WNT1: variants seen among roughly 807,000 people sequenced by gnomAD.
WNT1 encodes proto-oncogene Wnt-1.
A neutral mutation model predicts 21.3 loss-of-function variants in WNT1; 10 were observed. The observed-to-expected ratio is 0.47, with a 90% CI of 0.29 to 0.80. The LOEUF (loss-of-function observed/expected upper bound fraction) is 0.80, where lower values mean the gene tolerates loss of function less well. Ranked by LOEUF, WNT1 falls within the 30% of genes least tolerant of loss-of-function variation. WNT1 has a pLI of 0.09. For synonymous variants in WNT1, 208 were observed against 236.3 expected, an observed-to-expected ratio of 0.88 and a Z score of 1.10; for missense variants, 476 against 534.1, an observed-to-expected ratio of 0.89 and a Z score of 1.07.
chr12:48,978,855 C>T lies in WNT1; in HGVS notation c.104+101C>T. 2.4e-6 allele frequency: 2 copies of T among 821,168 alleles called. No individual in the cohort carries two copies. The highest frequency in any genetic ancestry group is 2.8e-5 in the Admixed American group (1 of 35,540). 50.9% of individuals were successfully genotyped at this position (821,168 alleles called of 1,614,324 possible). A position where few individuals can be genotyped will look rare whatever the true frequency, so the allele number is the denominator to read the frequency against. On this transcript the variant is annotated intron_variant, in intron 1 of 3. Transcript: ENST00000293549. This position sits in a 1 kb window ranked among gnomAD's most constrained non-coding sequence, Gnocchi z 7.4. ...TCTGGGATCCGTCTGCCGACAGGCTCCCTCCCCGCTCTGACTTCCCTCCGC... is the reference window on the plus strand; with the variant it reads ...TCTGGGATCCGTCTGCCGACAGGCTTCCTCCCCGCTCTGACTTCCCTCCGC...
At position 48,981,620 on chromosome 12, in the gene WNT1, G is replaced by T; in HGVS notation, c.1093G>T (p.Val365Leu). ...CTGCCGCAACTGCACGCACACGCGC[G>T]TACTGCACGAGTGTCTGTGAGGCGC... ...VSCRNCTHTR[V>L]LHECL Residue 365 changes from valine (V) to leucine (L), a missense_variant, in exon 4 of 4, where the codon GTA becomes TTA. Physicochemically the swap from Val to Leu is conservative, Grantham distance 32. Coordinates refer to ENST00000293549, the MANE Select transcript of WNT1 (RefSeq NM_005430.4). The surrounding 1 kb of genome is among the most constrained non-coding windows in gnomAD (Gnocchi z 7.4). 6.8e-7 allele frequency: 1 copy of T among 1,476,882 alleles called. No homozygotes were observed. 91.5% of individuals were successfully genotyped at this position (1,476,882 alleles called of 1,614,324 possible).
Position 48,981,716 on chromosome 12 carries a change from CG to C in WNT1, c.*78del, listed in dbSNP as rs1025189952. On this transcript the variant is annotated 3_prime_UTR_variant, in exon 4 of 4. Transcript: ENST00000293549. The surrounding 1 kb of genome is among the most constrained non-coding windows in gnomAD (Gnocchi z 7.4). ...AACAGACTCGCTAGCACTCAAGACC[CG>C]GTTATTCGCCCACCCGAGTACCTCC... 3.4e-5 allele frequency: 47 copies of C among 1,401,278 alleles called. No individual in the cohort carries two copies. The highest frequency in any genetic ancestry group is 4.2e-5 in the Non-Finnish European group (45 of 1,083,500). The allele number at this position is 1,401,278 out of a possible 1,614,324, so 86.8% of individuals were successfully genotyped here. A position where few individuals can be genotyped will look rare whatever the true frequency, so the allele number is the denominator to read the frequency against.
At position 48,981,548 on chromosome 12, in the gene WNT1, G is replaced by A; in HGVS notation, c.1021G>A (p.Val341Ile). Reference protein sequence around the residue: ...GRGHRTRTQRVTERCNCTFHW... With the variant: ...GRGHRTRTQRITERCNCTFHW... ...GGGCCACCGCACGCGCACGCAGCGC[G>A]TCACCGAGCGCTGCAACTGCACCTT... The change falls in exon 4 of 4, where the codon GTC (valine) becomes ATC (isoleucine). Residue 341 changes from valine (V) to isoleucine (I), a missense_variant. Physicochemically the swap from Val to Ile is conservative, Grantham distance 29. Coordinates refer to ENST00000293549, the MANE Select transcript of WNT1 (RefSeq NM_005430.4). This position sits in a 1 kb window ranked among gnomAD's most constrained non-coding sequence, Gnocchi z 7.4. 1 of 1,536,258 alleles carries A rather than the reference G, an allele frequency of 6.5e-7. No individual in the cohort carries two copies.
In WNT1 at chr12:48,981,716, C is replaced by T; in HGVS notation, c.*76C>T. 4 of 1,401,396 alleles carry T rather than the reference C, an allele frequency of 2.9e-6. No homozygotes were observed. Among genetic ancestry groups the T allele is most frequent in the East Asian group, 2.8e-5 (1 of 35,636 alleles). 86.8% of individuals were successfully genotyped at this position (1,401,396 alleles called of 1,614,324 possible). A position where few individuals can be genotyped will look rare whatever the true frequency, so the allele number is the denominator to read the frequency against. ...AACAGACTCGCTAGCACTCAAGACC[C>T]GGTTATTCGCCCACCCGAGTACCTC... On this transcript the variant is annotated 3_prime_UTR_variant, in exon 4 of 4. Coordinates refer to ENST00000293549, the MANE Select transcript of WNT1 (RefSeq NM_005430.4). The surrounding 1 kb of genome is among the most constrained non-coding windows in gnomAD (Gnocchi z 7.4).
In WNT1 at chr12:48,979,427, G is replaced by A. The variant is rs970706893; in HGVS notation, c.105-41G>A. On this transcript the variant is annotated intron_variant, in intron 1 of 3. Coordinates refer to ENST00000293549, the MANE Select transcript of WNT1 (RefSeq NM_005430.4). The surrounding 1 kb of genome is among the most constrained non-coding windows in gnomAD (Gnocchi z 6.0). Reference sequence around the variant, plus strand: ...GGCACAGTTTTTATGGTTAGGGTGCGGATCCCCTTCCTGAGCCTGAGCTAT... The same window carrying A: ...GGCACAGTTTTTATGGTTAGGGTGCAGATCCCCTTCCTGAGCCTGAGCTAT... The A allele has an allele frequency of 5.1e-6, 8 of 1,561,754 alleles. No individual in the cohort carries two copies. The African/African-American group carries it at 1.1e-4, about 21-fold the overall frequency.
rs1423009215 is a variant in WNT1, at chr12:48,982,035, T to A, written c.*395T>A. 6.6e-6 allele frequency among the ~76,000 whole-genome samples: 1 copy of A among 152,216 alleles called. No homozygotes were observed. Among genetic ancestry groups the A allele is most frequent in the Non-Finnish European group, 1.5e-5 (1 of 68,038 alleles). ...CTGCCTCTCTTCTTCCCCTTTGTCC[T>A]GCGTTTTCTCCGGGTCCTCCTAAGT... On this transcript the variant is annotated 3_prime_UTR_variant, in exon 4 of 4. Transcript: ENST00000293549.
Position 48,980,390 on chromosome 12 carries a change from C to A in WNT1, c.359-34C>A, listed in dbSNP as rs779439191. On this transcript the variant is annotated intron_variant, in intron 2 of 3. Coordinates refer to ENST00000293549, the MANE Select transcript of WNT1 (RefSeq NM_005430.4). The surrounding 1 kb of genome is among the most constrained non-coding windows in gnomAD (Gnocchi z 7.0). ...GAGGGTGCTGGCCGCGCCCCGCGTA[C>A]CCCCTCGCTGATCCCCGCTCCCTTC... is the stretch of plus-strand genomic sequence containing the variant. The A allele has an allele frequency of 3.8e-5, 61 of 1,613,136 alleles. 1 individual carries two copies. In the Admixed American group the frequency reaches 1.0e-3, roughly 26 times the overall value.
At position 48,979,350 on chromosome 12, in the gene WNT1, T is replaced by C. The variant is rs190144564; in HGVS notation, c.105-118T>C. ...AGTGAGCCTGGGAGAGCGGGTATTA[T>C]TAATCTCCCGCCATTCTCTCCAGCC... On this transcript the variant is annotated intron_variant, in intron 1 of 3. Transcript: ENST00000293549. This position sits in a 1 kb window ranked among gnomAD's most constrained non-coding sequence, Gnocchi z 6.0. The C allele has an allele frequency of 3.1e-4, 407 of 1,321,982 alleles. 3 individuals are homozygous for C. The East Asian group carries it at 9.1e-3, about 29-fold the overall frequency. The allele number at this position is 1,321,982 out of a possible 1,614,324, so 81.9% of individuals were successfully genotyped here. A position where few individuals can be genotyped will look rare whatever the true frequency, so the allele number is the denominator to read the frequency against.
At position 48,982,329 on chromosome 12, in the gene WNT1, C is replaced by T. The variant is rs1205738942; in HGVS notation, c.*689C>T. Among the ~76,000 whole-genome samples, 1 of 152,170 alleles carries T rather than the reference C, an allele frequency of 6.6e-6. No individual in the cohort carries two copies. Among genetic ancestry groups the T allele is most frequent in the African/African-American group, 2.4e-5 (1 of 41,436 alleles). On this transcript the variant is annotated 3_prime_UTR_variant, in exon 4 of 4. Transcript: ENST00000293549. ...TCCTCATCAGTGTGTAAATAATTTG[C>T]ACTGAAACGTGGATACAGAGCCACG...
rs961138502 is a variant in WNT1 at position 48,979,960 on chromosome 12, T to C, written c.358+239T>C. Among the ~76,000 whole-genome samples, 2 of 152,202 alleles carry C rather than the reference T, an allele frequency of 1.3e-5. No homozygotes were observed. The highest frequency in any genetic ancestry group is 4.8e-5 in the African/African-American group (2 of 41,454). ...GAGCTACTGCCCCAGATAAAGAAAG[T>C]TTCGGGTCGCGGACGCCGGCTGACC... On this transcript the variant is annotated intron_variant, in intron 2 of 3. Transcript: ENST00000293549. The surrounding 1 kb of genome is among the most constrained non-coding windows in gnomAD (Gnocchi z 6.0).
In WNT1 at chr12:48,981,067, C is replaced by T. The variant is rs1307274596; in HGVS notation, c.625-85C>T. 1.3e-6 allele frequency: 2 copies of T among 1,544,246 alleles called. No individual in the cohort carries two copies. The highest frequency in any genetic ancestry group is 1.7e-6 in the Non-Finnish European group (2 of 1,145,796). On this transcript the variant is annotated intron_variant, in intron 3 of 3. Transcript: ENST00000293549. The surrounding 1 kb of genome is among the most constrained non-coding windows in gnomAD (Gnocchi z 7.4). ...CTGGGCCTTTGCTGAGGTCCGGCCC[C>T]CGTGGCGTCCGGGAGAGGGCAGTGT... is the stretch of plus-strand genomic sequence containing the variant.
At position 48,979,117 on chromosome 12, in the gene WNT1, G is replaced by A. The variant is rs1236063041; in HGVS notation, c.105-351G>A. ...CCTAGAAAGGAGGGGAGAAGAGGGT[G>A]GGACTCCTAAGCATTTCACGCCTTG... On this transcript the variant is annotated intron_variant, in intron 1 of 3. Transcript: ENST00000293549. This position sits in a 1 kb window ranked among gnomAD's most constrained non-coding sequence, Gnocchi z 6.0. Among the ~76,000 whole-genome samples, 2 of 152,226 alleles carry A rather than the reference G, an allele frequency of 1.3e-5. No homozygotes were observed. Among genetic ancestry groups the A allele is most frequent in the Non-Finnish European group, 2.9e-5 (2 of 68,044 alleles).
Position 48,979,378 on chromosome 12 carries a change from A to C in WNT1, c.105-90A>C. The C allele has an allele frequency of 1.4e-6, 2 of 1,465,198 alleles. No homozygotes were observed. The highest frequency in any genetic ancestry group is 2.3e-5 in the East Asian group (1 of 43,408). The allele number at this position is 1,465,198 out of a possible 1,614,324, so 90.8% of individuals were successfully genotyped here. A position where few individuals can be genotyped will look rare whatever the true frequency, so the allele number is the denominator to read the frequency against. ...ATCTCCCGCCATTCTCTCCAGCCAC[A>C]TACCCCCAGGAAGAGGACCGGGTGG... On this transcript the variant is annotated intron_variant, in intron 1 of 3. Coordinates refer to ENST00000293549, the MANE Select transcript of WNT1 (RefSeq NM_005430.4). The surrounding 1 kb of genome is among the most constrained non-coding windows in gnomAD (Gnocchi z 6.0).
At position 48,979,693 on chromosome 12, in the gene WNT1, C is replaced by G. The variant is rs906804971; in HGVS notation, c.330C>G (p.Pro110=). ...RRWNCPTAPG[P]HLFGKIVNRG... is the part of the protein sequence containing the mutation. Reference sequence around the variant, plus strand: ...GGAACTGTCCCACTGCTCCAGGGCCCCACCTCTTCGGCAAGATCGTCAACC... The same window carrying G: ...GGAACTGTCCCACTGCTCCAGGGCCGCACCTCTTCGGCAAGATCGTCAACC... Residue 110 remains proline (P), a synonymous_variant, in exon 2 of 4, where the codon CCC becomes CCG. Transcript: ENST00000293549. The surrounding 1 kb of genome is among the most constrained non-coding windows in gnomAD (Gnocchi z 6.0). 6.3e-7 allele frequency: 1 copy of G among 1,598,440 alleles called. No individual in the cohort carries two copies. The highest frequency in any genetic ancestry group is 1.1e-5 in the South Asian group (1 of 90,686).
At position 48,979,374 on chromosome 12, in the gene WNT1, C is replaced by T. The variant is rs555008164; in HGVS notation, c.105-94C>T. On this transcript the variant is annotated intron_variant, in intron 1 of 3. Coordinates refer to ENST00000293549, the MANE Select transcript of WNT1 (RefSeq NM_005430.4). The surrounding 1 kb of genome is among the most constrained non-coding windows in gnomAD (Gnocchi z 6.0). ...ATTAATCTCCCGCCATTCTCTCCAG[C>T]CACATACCCCCAGGAAGAGGACCGG... 3,637 of 1,446,342 alleles carry T rather than the reference C, an allele frequency of 2.5e-3. 10 individuals carry two copies. Among genetic ancestry groups the T allele is most frequent in the Non-Finnish European group, 3.1e-3 (3,324 of 1,081,126 alleles). The allele number at this position is 1,446,342 out of a possible 1,614,324, so 89.6% of individuals were successfully genotyped here.
In WNT1 at chr12:48,980,675, G is replaced by A. The variant is rs760983786; in HGVS notation, c.610G>A (p.Glu204Lys). 3.9e-6 allele frequency: 6 copies of A among 1,554,968 alleles called. No homozygotes were observed. Among genetic ancestry groups the A allele is most frequent in the Non-Finnish European group, 4.3e-6 (5 of 1,150,860 alleles). ...CTTCCTCATGAACCTTCACAACAAC[G>A]AGGCAGGCCGTACGGTGAGCTTTGA... Reference protein sequence around the residue: ...LRFLMNLHNNEAGRTTVFSEM... With the variant: ...LRFLMNLHNNKAGRTTVFSEM... Residue 204 changes from glutamate (E) to lysine (K), a missense_variant, in exon 3 of 4, where the codon GAG (glutamate) becomes AAG (lysine). Physicochemically the swap from Glu to Lys is moderately conservative, Grantham distance 56. Coordinates refer to ENST00000293549, the MANE Select transcript of WNT1 (RefSeq NM_005430.4). The surrounding 1 kb of genome is among the most constrained non-coding windows in gnomAD (Gnocchi z 7.0).
rs746577657 is a variant in WNT1, at chr12:48,979,423, G to T, written c.105-45G>T. 1 of 1,557,680 alleles carries T rather than the reference G, an allele frequency of 6.4e-7. No individual in the cohort carries two copies. On this transcript the variant is annotated intron_variant, in intron 1 of 3. Coordinates refer to ENST00000293549, the MANE Select transcript of WNT1 (RefSeq NM_005430.4). The surrounding 1 kb of genome is among the most constrained non-coding windows in gnomAD (Gnocchi z 6.0). The stretch of plus-strand genomic sequence containing the variant: ...GGGTGGCACAGTTTTTATGGTTAGG[G>T]TGCGGATCCCCTTCCTGAGCCTGAG...
chr12:48,978,813 C>G lies in WNT1; in HGVS notation c.104+59C>G. ...CGCGGCACAGAGCCAGGGGCCAACCCTACCCAGCTCCCACGCTCTGGGATC... is the reference window on the plus strand; with the variant it reads ...CGCGGCACAGAGCCAGGGGCCAACCGTACCCAGCTCCCACGCTCTGGGATC... On this transcript the variant is annotated intron_variant, in intron 1 of 3. Transcript: ENST00000293549. The surrounding 1 kb of genome is among the most constrained non-coding windows in gnomAD (Gnocchi z 7.4). The G allele has an allele frequency of 1.3e-5, 15 of 1,191,650 alleles. No individual in the cohort carries two copies. Among genetic ancestry groups the G allele is most frequent in the Non-Finnish European group, 1.8e-5 (15 of 856,970 alleles). The allele number at this position is 1,191,650 out of a possible 1,614,324, so 73.8% of individuals were successfully genotyped here.
chr12:48,978,532 G>C lies in WNT1; in HGVS notation c.-119G>C. On this transcript the variant is annotated 5_prime_UTR_variant, in exon 1 of 4. Coordinates refer to ENST00000293549, the MANE Select transcript of WNT1 (RefSeq NM_005430.4). The surrounding 1 kb of genome is among the most constrained non-coding windows in gnomAD (Gnocchi z 7.4). ...CTGTCCGCCGCCCGCCCCCAGGGTT[G>C]TTAAAGCCAGACTGCGAACTCTCGC... 1 of 758,586 alleles carries C rather than the reference G, an allele frequency of 1.3e-6. No homozygotes were observed. The highest frequency in any genetic ancestry group is 1.6e-5 in the South Asian group (1 of 63,370). The allele number at this position is 758,586 out of a possible 1,614,324, so 47.0% of individuals were successfully genotyped here. A position where few individuals can be genotyped will look rare whatever the true frequency, so the allele number is the denominator to read the frequency against.
Sources: allele counts gnomAD v4.1 joint callset (sites outside exome capture counted in the v4.1 genomes callset), GRCh38; gene constraint gnomAD v4.1.1; non-coding constraint Gnocchi (gnomAD v3.1); transcripts MANE v1.5; gene names NCBI Gene and HGNC (gene_info 2026-07-23, HGNC 2026-07-21).